The following EYS variants were observed in gnomAD, a reference collection of about 807,000 sequenced individuals.
EYS encodes EGF-like photoreceptor maintenance factor.
A neutral mutation model predicts 282.1 loss-of-function variants in EYS; 250 were observed. The ratio of observed to expected loss-of-function variants is 0.89; its 90% confidence interval spans 0.80 to 0.98. EYS has a LOEUF of 0.98. Ranked by LOEUF, EYS falls within the 50% of genes least tolerant of loss-of-function variation. EYS has a pLI of 0.00. For synonymous variants in EYS, 1,355 were observed against 1,282.9 expected, an observed-to-expected ratio of 1.06 and a Z score of -1.20; for missense variants, 4,016 against 3,709.0, an observed-to-expected ratio of 1.08 and a Z score of -2.15.
At chr6:63,887,314 GTTTTTT>G (rs35622877) in intron 35 of EYS, among the ~76,000 whole-genome samples, 1 of 120,236 alleles carries the variant, frequency 8.3e-6, no homozygotes, top group Admixed American at 8.6e-5. Context: ...AATAAAAGGT[GTTTTTT>G]TTTTTTTTTT....
At chr6:63,885,367 A>T (rs2149721157) in intron 35 of EYS, among the ~76,000 whole-genome samples, 1 of 152,296 alleles carries the variant, frequency 6.6e-6, no homozygotes, top group South Asian at 2.1e-4. Flanking sequence ...TTTTAGGAAG[A>T]GAACTAAACA....
At chr6:65,503,664 T>C (rs890830233) in intron 2 of EYS, among the ~76,000 whole-genome samples, 1 of 151,736 alleles carries the variant, frequency 6.6e-6, no homozygotes, top group Non-Finnish European at 1.5e-5. Context: ...ATGTTCATTT[T>C]ATTTGCATAT....
At position 64,147,974 on chromosome 6, in the gene EYS, T is replaced by G. The variant is rs141947090; in HGVS notation, c.6425-65972A>C. Among the ~76,000 whole-genome samples the G allele has an allele frequency of 2.4e-4, 36 of 152,276 alleles. 1 individual carries two copies. The highest frequency in any genetic ancestry group is 8.2e-4 in the African/African-American group (34 of 41,576). ...TACCATAGCATATTATAGACTAAAC[T>G]GACCGAGTGGCAGAATGCAAAAAAC... On this transcript the variant is annotated intron_variant, in intron 31 of 42. Transcript: ENST00000503581.
chr6:64,826,248 A>T (rs1765052522), intron 19 of EYS, among the ~76,000 whole-genome samples: 1 of 151,822 alleles, frequency 6.6e-6, no homozygotes, highest in African/African-American at 2.4e-5. Flanking sequence ...TTCATTATGG[A>T]CTTCATTTGA....
intron 33 of EYS, among the ~76,000 whole-genome samples, chr6:64,046,842 T>G (rs1479932033): frequency 6.6e-6 from 1 of 152,250 alleles, no homozygotes; most frequent in African/African-American, 2.4e-5. Flanking sequence ...TGAGGTATAG[T>G]CTGTCAGTAG....
intron 1 of EYS, among the ~76,000 whole-genome samples, chr6:65,688,662 G>A (rs12189794): frequency 0.35 from 53,728 of 151,814 alleles, 11,981 homozygotes; most frequent in Non-Finnish European, 0.49. Flanking sequence ...ACAATGAACT[G>A]AAACAAATTT....
chr6:65,298,086 T>C (rs1437285504), intron 11 of EYS, among the ~76,000 whole-genome samples: 2 of 152,052 alleles, frequency 1.3e-5, no homozygotes, highest in Non-Finnish European at 2.9e-5. Flanking sequence ...ATGAACAGGA[T>C]ATCCTGTACA....
At chr6:64,606,207 T>A (rs1766931116) in intron 24 of EYS, among the ~76,000 whole-genome samples, 1 of 151,988 alleles carries the variant, frequency 6.6e-6, no homozygotes, top group Admixed American at 6.6e-5. Flanking sequence ...TCATAAAGGA[T>A]ATATTAAAAA....
chr6:65,330,978 C>T (rs1769776657), intron 11 of EYS: 3 of 984,048 alleles, frequency 3.0e-6, no homozygotes, highest in Admixed American at 6.2e-5. Flanking sequence ...ATTGAGTTCC[C>T]GTATATACTC....
Position 64,544,959 on chromosome 6 carries a change from G to A in EYS, c.5644+45264C>T, listed in dbSNP as rs532979799. Among the ~76,000 whole-genome samples the A allele has an allele frequency of 1.8e-4, 27 of 152,026 alleles. No homozygotes were observed. In the South Asian group the frequency reaches 2.3e-3, roughly 13 times the overall value. On this transcript the variant is annotated intron_variant, in intron 26 of 42. Coordinates refer to ENST00000503581, the MANE Select transcript of EYS (RefSeq NM_001142800.2). ...CAGAGGTACAAGTAGGAGCTGGTAC[G>A]ATTCCTTCTGAAACTATTCCAATCA...
At chr6:64,490,193 C>T (rs1005660251) in intron 26 of EYS, among the ~76,000 whole-genome samples, 2 of 150,704 alleles carry the variant, frequency 1.3e-5, no homozygotes, top group African/African-American at 4.9e-5. Context: ...GAACCTGGGC[C>T]ATATAAGACT....
chr6:63,883,432 T>C (rs1209255211), intron 35 of EYS, among the ~76,000 whole-genome samples: 1 of 152,202 alleles, frequency 6.6e-6, no homozygotes, highest in Non-Finnish European at 1.5e-5. Context: ...GAAAACACAG[T>C]CTGAAGGAGC....
At chr6:64,977,455 T>G (rs1194342433) in intron 14 of EYS, among the ~76,000 whole-genome samples, 2 of 151,858 alleles carry the variant, frequency 1.3e-5, no homozygotes, top group Non-Finnish European at 2.9e-5. Flanking sequence ...CTGCTAAAGC[T>G]TCCCCATATC....
intron 26 of EYS, among the ~76,000 whole-genome samples, chr6:64,452,370 A>C (rs2150478367): frequency 6.6e-6 from 1 of 152,340 alleles, no homozygotes; most frequent in Middle Eastern, 3.4e-3. Flanking sequence ...GACAGAAACA[A>C]ATGGAAGAAC....
intron 12 of EYS, among the ~76,000 whole-genome samples, chr6:65,207,675 A>G (rs541929871): frequency 6.6e-5 from 10 of 151,948 alleles, no homozygotes; most frequent in African/African-American, 2.2e-4. Flanking sequence ...ATATAAAAAT[A>G]AACACATAGA....
intron 18 of EYS, among the ~76,000 whole-genome samples, chr6:64,894,289 T>C (rs1767384229): frequency 6.6e-6 from 1 of 152,048 alleles, no homozygotes; most frequent in African/African-American, 2.4e-5. Flanking sequence ...GTGATGTTAA[T>C]TACAATAGAT....
chr6:65,196,852 G>A lies in EYS; in HGVS notation c.2023+99011C>T, dbSNP rs78733506. ...ATTGCGAACGTTTTCCATTAAGAGG[G>A]AGTGGTAGGGAATTTATAGGTGTGC... On this transcript the variant is annotated intron_variant, in intron 12 of 42. Transcript: ENST00000503581. 4.5e-3 allele frequency among the ~76,000 whole-genome samples: 688 copies of A among 152,168 alleles called. 5 individuals are homozygous for A. The highest frequency in any genetic ancestry group is 0.024 in the Middle Eastern group (7 of 294).
intron 37 of EYS, among the ~76,000 whole-genome samples, chr6:63,792,255 T>G (rs898237880): frequency 2.6e-5 from 4 of 151,864 alleles, no homozygotes; most frequent in Non-Finnish European, 4.4e-5. Context: ...GATAGCATAC[T>G]ATTCCCATGC....
At chr6:64,958,166 T>G (rs1014464184) in intron 14 of EYS, among the ~76,000 whole-genome samples, 1 of 152,016 alleles carries the variant, frequency 6.6e-6, no homozygotes, top group Non-Finnish European at 1.5e-5. Flanking sequence ...ATTATAAATA[T>G]ACCTAGTATA....
Sources: gnomAD v4.1 joint callset for allele counts (sites outside exome capture counted in the v4.1 genomes callset) on GRCh38, gnomAD v4.1.1 for gene constraint, MANE v1.5 for transcripts, NCBI Gene and HGNC (gene_info 2026-07-23, HGNC 2026-07-21) for gene names.